The following TRHR variants were observed in gnomAD, a reference collection of about 807,000 sequenced individuals.
TRHR encodes thyrotropin-releasing hormone receptor.
In TRHR, 14 loss-of-function variants were observed where a neutral mutation model predicts 28.0. The ratio of observed to expected loss-of-function variants is 0.50; its 90% CI spans 0.33 to 0.78. The LOEUF (loss-of-function observed/expected upper bound fraction) is 0.78. Ranked by LOEUF, TRHR falls within the 30% of genes least tolerant of loss-of-function variation. The pLI is 0.02. For synonymous variants in TRHR, 176 were observed against 171.9 expected (o/e 1.02, Z -0.18); for missense variants, 438 against 469.5 (o/e 0.93, Z 0.62).
chr8:109,116,868 C>A (rs757365951), intron 2 of TRHR, among the ~76,000 whole-genome samples: 1 of 151,900 alleles, frequency 6.6e-6, no homozygotes, highest in African/African-American at 2.4e-5. Flanking sequence ...GAGAGATCAA[C>A]AAGTATAGGT....
chr8:109,110,596 T>C (rs958055607), intron 2 of TRHR, among the ~76,000 whole-genome samples: 3 of 152,192 alleles, frequency 2.0e-5, no homozygotes, highest in African/African-American at 4.8e-5. Context: ...GGTTCAGTAC[T>C]TGACAAGCGA....
At chr8:109,118,285 T>C (rs1811949482) in intron 2 of TRHR, among the ~76,000 whole-genome samples, 1 of 151,940 alleles carries the variant, frequency 6.6e-6, no homozygotes, top group African/African-American at 2.4e-5. Context: ...AATAAACACC[T>C]TGGATAGTGT....
chr8:109,104,660 G>A (rs1033070324), intron 2 of TRHR, among the ~76,000 whole-genome samples: 1 of 152,050 alleles, frequency 6.6e-6, no homozygotes, highest in Non-Finnish European at 1.5e-5. Context: ...ATCAGTAGCA[G>A]AGGTACATCC....
intron 2 of TRHR, among the ~76,000 whole-genome samples, chr8:109,088,640 T>C (rs1811478201): frequency 6.6e-6 from 1 of 152,234 alleles, no homozygotes; most frequent in Admixed American, 6.5e-5. Flanking sequence ...CTGGCTTCTG[T>C]AGGAAATAAT....
intron 2 of TRHR, among the ~76,000 whole-genome samples, chr8:109,105,513 A>G (rs962224301): frequency 6.6e-6 from 1 of 152,202 alleles, no homozygotes; most frequent in African/African-American, 2.4e-5. Flanking sequence ...AACAAATATG[A>G]CAAACATTCC....
At chr8:109,089,883 A>G (rs570145113) in intron 2 of TRHR, among the ~76,000 whole-genome samples, 5 of 152,356 alleles carry the variant, frequency 3.3e-5, no homozygotes, top group African/African-American at 1.2e-4. Context: ...CATTCCTGCT[A>G]TACATTTTTA....
intron 2 of TRHR, among the ~76,000 whole-genome samples, chr8:109,101,347 A>T (rs1441662387): frequency 6.6e-6 from 1 of 152,192 alleles, no homozygotes; most frequent in African/African-American, 2.4e-5. Flanking sequence ...TACTTGAACC[A>T]TGGAGAGAGA....
At position 109,092,865 on chromosome 8, in the gene TRHR, T is replaced by C. The variant is rs73309602; in HGVS notation, c.789+4564T>C. Among the ~76,000 whole-genome samples, 369 of 152,240 alleles carry C rather than the reference T, an allele frequency of 2.4e-3. 2 individuals are homozygous for C. The highest frequency in any genetic ancestry group is 7.9e-3 in the African/African-American group (329 of 41,566). On this transcript the variant is annotated intron_variant, in intron 2 of 2. Coordinates refer to ENST00000518632, the MANE Select transcript of TRHR (RefSeq NM_003301.7). ...CTAGGAATAGGCAAAAGCCATCTCTTACCTCCTGACCCCACCTCTCAAAGA... is the reference window on the plus strand; with the variant it reads ...CTAGGAATAGGCAAAAGCCATCTCTCACCTCCTGACCCCACCTCTCAAAGA...
At chr8:109,099,297 C>CA (rs201037757) in intron 2 of TRHR, among the ~76,000 whole-genome samples, 2,278 of 152,214 alleles carry the variant, frequency 0.015, 22 homozygotes, top group Non-Finnish European at 0.023. Flanking sequence ...AGCAGACTGA[C>CA]AAACACTGAG....
rs760254083 is a variant in TRHR at position 109,088,299 on chromosome 8, C to G, written c.787C>G (p.Gln263Glu). Reference protein sequence around the residue: ...CFNSTVSSRKQVTKMLAVVVI... With the variant: ...CFNSTVSSRKEVTKMLAVVVI... ...CAACAGCACAGTATCTTCAAGGAAG[C>G]AGGTAAGCAAAACTGAAACTCCAAG... Residue 263 changes from glutamine to glutamate, a missense_variant and splice_region_variant, in exon 2 of 3, where the codon CAG becomes GAG. Gln to Glu is a conservative substitution (Grantham distance 29, BLOSUM62 2). Transcript: ENST00000518632. 4 of 1,613,062 alleles carry G rather than the reference C, an allele frequency of 2.5e-6. No homozygotes were observed. Among genetic ancestry groups the G allele is most frequent in the Non-Finnish European group, 3.4e-6 (4 of 1,179,920 alleles).
rs1811987383 is a variant in TRHR at position 109,120,232 on chromosome 8, C to T, written c.*777C>T. The stretch of plus-strand genomic sequence containing the variant: ...CCCAGATTAAGTAACTGTGAAGATA[C>T]AAACTAACATACAATTAAATTTGAA... On this transcript the variant is annotated 3_prime_UTR_variant, in exon 3 of 3. Transcript: ENST00000518632. 6.6e-6 allele frequency among the ~76,000 whole-genome samples: 1 copy of T among 151,826 alleles called. No homozygotes were observed. Among genetic ancestry groups the T allele is most frequent in the Non-Finnish European group, 1.5e-5 (1 of 67,868 alleles).
chr8:109,087,179 T>C (rs956449630), intron 1 of TRHR, among the ~76,000 whole-genome samples: 5 of 151,402 alleles, frequency 3.3e-5, no homozygotes, highest in Non-Finnish European at 5.9e-5. Context: ...TAGTTTTTAC[T>C]GTTTCTCTTT....
At chr8:109,100,673 C>T (rs1029825878) in intron 2 of TRHR, among the ~76,000 whole-genome samples, 2 of 152,076 alleles carry the variant, frequency 1.3e-5, no homozygotes, top group Non-Finnish European at 2.9e-5. Flanking sequence ...CAATCTAATA[C>T]AGAAGACAGA....
intron 2 of TRHR, among the ~76,000 whole-genome samples, chr8:109,117,735 T>TTA (rs1254024092): frequency 6.6e-6 from 1 of 151,920 alleles, no homozygotes; most frequent in African/African-American, 2.4e-5. Context: ...AATTATTTAC[T>TTA]TATATATATT....
In TRHR at chr8:109,087,585, C is replaced by G. The variant is rs750643502; in HGVS notation, c.73C>G (p.Gln25Glu). The G allele has an allele frequency of 3.7e-5, 59 of 1,614,086 alleles. No homozygotes were observed. The highest frequency in any genetic ancestry group is 4.7e-5 in the Non-Finnish European group (55 of 1,180,050). The change falls in exon 2 of 3, where the codon CAG becomes GAG. Residue 25 changes from glutamine to glutamate, a missense_variant. By Grantham distance (29) the Gln-to-Glu change is conservative. Transcript: ENST00000518632. ...ACGAGCAGTGGTGGCCTTAGAATAC[C>G]AGGTGGTCACCATCTTACTTGTACT... ...QPRAVVALEY[Q>E]VVTILLVLII... is the part of the protein sequence containing the mutation.
intron 2 of TRHR, among the ~76,000 whole-genome samples, chr8:109,116,620 T>C (rs1049278861): frequency 6.6e-6 from 1 of 152,250 alleles, no homozygotes; most frequent in Non-Finnish European, 1.5e-5. Flanking sequence ...CTGATGGTAG[T>C]TTGTATTTCT....
chr8:109,109,324 T>C (rs2129919457), intron 2 of TRHR, among the ~76,000 whole-genome samples: 1 of 152,238 alleles, frequency 6.6e-6, no homozygotes, highest in East Asian at 1.9e-4. Flanking sequence ...ATATATCACT[T>C]TGATATACCA....
chr8:109,115,855 T>C (rs1324895176), intron 2 of TRHR, among the ~76,000 whole-genome samples: 1 of 151,888 alleles, frequency 6.6e-6, no homozygotes, highest in Non-Finnish European at 1.5e-5. Context: ...TGAATAGGAG[T>C]GGTGAGAGAG....
intron 2 of TRHR, among the ~76,000 whole-genome samples, chr8:109,118,335 C>T (rs1328567107): frequency 6.6e-6 from 1 of 151,862 alleles, no homozygotes; most frequent in African/African-American, 2.4e-5. Context: ...TAAACACTGA[C>T]TTTTTTGCAT....
Sources: allele counts gnomAD v4.1 joint callset (sites outside exome capture counted in the v4.1 genomes callset), GRCh38; gene constraint gnomAD v4.1.1; transcripts MANE v1.5; gene names NCBI Gene and HGNC (gene_info 2026-07-23, HGNC 2026-07-21).